Variants in IRF2 observed in about 807,000 individuals in gnomAD.
IRF2 encodes interferon regulatory factor 2.
Under a neutral mutation model 40.6 loss-of-function variants are expected in IRF2, and 15 were observed. That is an observed-to-expected ratio of 0.37 (90% CI 0.25 to 0.57). The LOEUF (loss-of-function observed/expected upper bound fraction) is 0.57, where lower values mean the gene tolerates loss of function less well. Among genes scored for constraint, IRF2 ranks in the 20% least tolerant of loss-of-function variants. IRF2 has a pLI of 0.77. For missense variants in IRF2, 317 were observed against 455.7 expected (o/e 0.70, Z 2.77); for synonymous variants, 151 against 165.5 (o/e 0.91, Z 0.67).
chr4:184,440,131 CTT>C (rs913682034), intron 1 of IRF2, among the ~76,000 whole-genome samples: 1 of 152,232 alleles, frequency 6.6e-6, no homozygotes, highest in African/African-American at 2.4e-5. Flanking sequence ...ATTTTCTTGA[CTT>C]TCCCTGGCTC....
intron 8 of IRF2, among the ~76,000 whole-genome samples, chr4:184,389,774 C>T (rs959203317): frequency 1.3e-5 from 2 of 152,250 alleles, no homozygotes; most frequent in South Asian, 2.1e-4. Context: ...CACAGCGACT[C>T]GGTCCCTCAA....
intron 1 of IRF2, among the ~76,000 whole-genome samples, chr4:184,455,891 G>A (rs1231697651): frequency 6.6e-6 from 1 of 152,196 alleles, no homozygotes; most frequent in Non-Finnish European, 1.5e-5. Flanking sequence ...AAATCGCTGT[G>A]TGCCAAGCAT....
At chr4:184,389,238 A>T (rs1736164357) in intron 8 of IRF2, among the ~76,000 whole-genome samples, 172 bp from the exon 9 acceptor site, 1 of 151,932 alleles carries the variant, frequency 6.6e-6, no homozygotes, top group Admixed American at 6.6e-5. Context: ...TGGGCAATGT[A>T]GCGAGTCCTC....
At chr4:184,394,683 C>T (rs550206092) in intron 7 of IRF2, among the ~76,000 whole-genome samples, 2 of 152,234 alleles carry the variant, frequency 1.3e-5, no homozygotes, top group South Asian at 2.1e-4. Context: ...GTTTTCTTCT[C>T]GAGTCTACTC....
At chr4:184,426,953 C>A (rs747768031) in intron 2 of IRF2, among the ~76,000 whole-genome samples, 1 of 152,132 alleles carries the variant, frequency 6.6e-6, no homozygotes, top group Non-Finnish European at 1.5e-5. Flanking sequence ...CTGTACCTAC[C>A]CCATGGTGGC....
chr4:184,442,713 T>G (rs545568783), intron 1 of IRF2, among the ~76,000 whole-genome samples: 2 of 152,188 alleles, frequency 1.3e-5, no homozygotes, highest in East Asian at 1.9e-4. Flanking sequence ...GGGGCCGTTT[T>G]GCTTCCCACT....
intron 2 of IRF2, among the ~76,000 whole-genome samples, chr4:184,424,207 T>C (rs576491819): frequency 1.7e-4 from 26 of 152,326 alleles, no homozygotes; most frequent in Non-Finnish European, 3.1e-4. Context: ...TAACCAAAGG[T>C]AAATTGCCCC....
chr4:184,410,240 A>T (rs1737023662), intron 5 of IRF2, among the ~76,000 whole-genome samples: 1 of 152,256 alleles, frequency 6.6e-6, no homozygotes, highest in Admixed American at 6.5e-5. Context: ...CACTGCGGAC[A>T]GTTGTAAACT....
intron 1 of IRF2, among the ~76,000 whole-genome samples, chr4:184,432,524 C>T (rs190307119): frequency 6.6e-6 from 1 of 152,332 alleles, no homozygotes; most frequent in East Asian, 1.9e-4. Context: ...ATAAGCTTTG[C>T]TCAGGCATGC....
intron 2 of IRF2, among the ~76,000 whole-genome samples, chr4:184,426,124 T>C (rs760751012): frequency 6.6e-6 from 1 of 152,188 alleles, no homozygotes; most frequent in Non-Finnish European, 1.5e-5. Flanking sequence ...CAAGTGATTC[T>C]CTTGCCTCAG....
chr4:184,411,801 G>A (rs56356501), intron 5 of IRF2, among the ~76,000 whole-genome samples: 4,854 of 151,894 alleles, frequency 0.032, 276 homozygotes, highest in African/African-American at 0.11. Flanking sequence ...CTCTTCGCCC[G>A]AAGCCTCTCC....
intron 1 of IRF2, among the ~76,000 whole-genome samples, chr4:184,466,342 C>T (rs1011941045): frequency 2.0e-5 from 3 of 152,146 alleles, no homozygotes; most frequent in African/African-American, 7.2e-5. Flanking sequence ...TGAGCCACCG[C>T]GCACGGCCAA....
chr4:184,415,215 C>T lies in IRF2; in HGVS notation c.411+2952G>A, dbSNP rs1265047375. On this transcript the variant is annotated intron_variant, in intron 5 of 8. Coordinates refer to ENST00000393593, the MANE Select transcript of IRF2 (RefSeq NM_002199.4). The stretch of plus-strand genomic sequence containing the variant: ...ATTCAAAAGTAAGGCTGTGTTTAGG[C>T]CTAATGAATCACCTGCCTTCCGCTG... Among the ~76,000 whole-genome samples the T allele has an allele frequency of 3.4e-4, 52 of 152,182 alleles. 1 individual carries two copies. Among genetic ancestry groups the T allele is most frequent in the Admixed American group, 3.4e-3 (52 of 15,282 alleles).
intron 1 of IRF2, among the ~76,000 whole-genome samples, chr4:184,440,429 G>A (rs981873779): frequency 2.6e-5 from 4 of 152,236 alleles, no homozygotes; most frequent in African/African-American, 7.2e-5. Flanking sequence ...GGGCAGCAAC[G>A]TTAACATGGG....
chr4:184,434,138 C>A (rs1294381523), intron 1 of IRF2, among the ~76,000 whole-genome samples: 1 of 152,196 alleles, frequency 6.6e-6, no homozygotes, highest in Non-Finnish European at 1.5e-5. Flanking sequence ...CTCCCACAGG[C>A]GCTAACAGTC....
intron 6 of IRF2, among the ~76,000 whole-genome samples, chr4:184,404,726 C>T (rs998687005): frequency 6.6e-6 from 1 of 152,200 alleles, no homozygotes; most frequent in South Asian, 2.1e-4. Context: ...CACTCGAGAG[C>T]CATGGTGGGA....
chr4:184,420,728 A>G (rs1206696267), intron 2 of IRF2, among the ~76,000 whole-genome samples: 1 of 152,230 alleles, frequency 6.6e-6, no homozygotes, highest in Non-Finnish European at 1.5e-5. Context: ...GGCACTGTGC[A>G]TCTGACTACC....
At chr4:184,446,108 A>T (rs957691801) in intron 1 of IRF2, among the ~76,000 whole-genome samples, 3 of 152,238 alleles carry the variant, frequency 2.0e-5, no homozygotes, top group African/African-American at 7.2e-5. Context: ...GGAGAGAGGC[A>T]TGGTGCAGAT....
At chr4:184,439,892 T>C (rs1335439992) in intron 1 of IRF2, among the ~76,000 whole-genome samples, 1 of 152,238 alleles carries the variant, frequency 6.6e-6, no homozygotes, top group East Asian at 1.9e-4. Flanking sequence ...GTTCTGCAGA[T>C]GACCCAGTGG....
Sources: gnomAD v4.1 joint callset for allele counts (sites outside exome capture counted in the v4.1 genomes callset) on GRCh38, gnomAD v4.1.1 for gene constraint, MANE v1.5 for transcripts, NCBI Gene and HGNC (gene_info 2026-07-23, HGNC 2026-07-21) for gene names.